Variants in RCBTB2 observed in about 807,000 individuals in gnomAD.
RCBTB2 encodes RCC1 and BTB domain-containing protein 2.
A neutral mutation model predicts 65.4 loss-of-function variants in RCBTB2; 55 were observed. That is an observed-to-expected ratio of 0.84 (90% confidence interval 0.68 to 1.05). The LOEUF (loss-of-function observed/expected upper bound fraction) is 1.05, where lower values mean the gene tolerates loss of function less well. RCBTB2 is among the 50% of genes least tolerant of loss of function. RCBTB2 has a pLI of 0.00. For missense variants in RCBTB2, 599 were observed against 680.1 expected (o/e 0.88, Z 1.33); for synonymous variants, 220 against 255.2 (o/e 0.86, Z 1.31).
Position 48,501,898 on chromosome 13 carries a change from T to A in RCBTB2, c.1118-30A>T. The stretch of plus-strand genomic sequence containing the variant: ...GAGAATAATGCAAATGCTTCCAGAG[T>A]TAGCTACAGACATAATGAACACACA... On this transcript the variant is annotated intron_variant, in intron 11 of 14. Transcript: ENST00000344532. 3 of 1,608,284 alleles carry A rather than the reference T, an allele frequency of 1.9e-6. No individual in the cohort carries two copies. In the South Asian group the frequency reaches 3.3e-5, roughly 18 times the overall value.
intron 2 of RCBTB2, among the ~76,000 whole-genome samples, chr13:48,524,387 A>T (rs1222623772): frequency 1.3e-5 from 2 of 152,238 alleles, no homozygotes; most frequent in East Asian, 3.8e-4. Context: ...GCCAGGCACT[A>T]AGTGCCTCAC....
intron 1 of RCBTB2, among the ~76,000 whole-genome samples, chr13:48,529,793 TTTTAGTC>T (rs1443828870): frequency 6.6e-6 from 1 of 151,612 alleles, no homozygotes; most frequent in Non-Finnish European, 1.5e-5. Context: ...TAGAACTCTC[TTTTAGTC>T]TTTAACAAGA....
chr13:48,501,555 C>T (rs947684214), intron 12 of RCBTB2, among the ~76,000 whole-genome samples, 187 bp downstream of exon 12: 8 of 152,106 alleles, frequency 5.3e-5, no homozygotes, highest in Non-Finnish European at 7.3e-5. Flanking sequence ...TACTGGTTCC[C>T]GGAACCACAC....
chr13:48,532,822 C>T (rs1952240502), intron 1 of RCBTB2: 1 of 339,006 alleles, frequency 2.9e-6, no homozygotes, highest in Non-Finnish European at 5.9e-6. Context: ...CTCTTAACTC[C>T]CGCCAGCAGT....
At chr13:48,524,892 AT>A (rs1166373567) in intron 1 of RCBTB2, 135 bp from the exon 2 acceptor site, 1 of 152,196 alleles carries the variant, frequency 6.6e-6, no homozygotes, top group Non-Finnish European at 1.5e-5. Flanking sequence ...GCTATCTACT[AT>A]TAAAAAGTCA....
chr13:48,535,383 G>A (rs996494509), upstream of RCBTB2, among the ~76,000 whole-genome samples: 4 of 151,698 alleles, frequency 2.6e-5, no homozygotes, highest in East Asian at 1.9e-4. Context: ...AGCCTCCCAA[G>A]TAGTTGGAAC....
chr13:48,503,577 T>G (rs1239896581), intron 10 of RCBTB2, among the ~76,000 whole-genome samples: 1 of 152,082 alleles, frequency 6.6e-6, no homozygotes, highest in Non-Finnish European at 1.5e-5. Flanking sequence ...AGTCTTGCCT[T>G]GTCACCCAGG....
At chr13:48,528,810 G>A (rs1005669576) in intron 1 of RCBTB2, among the ~76,000 whole-genome samples, 2 of 151,998 alleles carry the variant, frequency 1.3e-5, no homozygotes, top group Non-Finnish European at 2.9e-5. Flanking sequence ...TACCTACATG[G>A]CTAATTAAAA....
At position 48,510,628 on chromosome 13, in the gene RCBTB2, C is replaced by T; in HGVS notation, c.926+1G>A. 6.2e-7 allele frequency: 1 copy of T among 1,613,904 alleles called. No homozygotes were observed. Among genetic ancestry groups the T allele is most frequent in the Non-Finnish European group, 8.5e-7 (1 of 1,179,882 alleles). On this transcript the variant is annotated splice_donor_variant, in intron 10 of 14. Coordinates refer to ENST00000344532, the MANE Select transcript of RCBTB2 (RefSeq NM_001268.4). LOFTEE classifies it high-confidence loss of function. ...GGGGACTGTGAAAATGCCCGTGTTA[C>T]CTGTCCTTTTCCACAGTGACAGGAG... is the stretch of plus-strand genomic sequence containing the variant.
intron 1 of RCBTB2, chr13:48,532,699 G>T (rs1952220438): frequency 3.7e-6 from 1 of 267,592 alleles, no homozygotes; most frequent in Non-Finnish European, 7.4e-6. Flanking sequence ...CTGGGCCGGC[G>T]GCCTGGGCAG....
rs1566296402 is a variant in RCBTB2, at chr13:48,511,796, C to T, written c.757G>A (p.Ala253Thr). 6.2e-7 allele frequency: 1 copy of T among 1,614,200 alleles called. No homozygotes were observed. Among genetic ancestry groups the T allele is most frequent in the Admixed American group, 1.7e-5 (1 of 60,028 alleles). The change falls in exon 9 of 15, where the codon GCT becomes ACT. Residue 253 changes from alanine (A) to threonine (T), a missense_variant. Ala to Thr is a moderately conservative substitution (Grantham distance 58). Transcript: ENST00000344532. ...CTCTGGACACGGATGCCTTGCAAAG[C>T]TGCCACTCTGCAAGGGGTTGGCTGG... The part of the protein sequence containing the change: ...GNQPTPCRVA[A>T]LQGIRVQRVA...
At chr13:48,499,066 C>T (rs1472497273) in intron 13 of RCBTB2, among the ~76,000 whole-genome samples, 6 of 151,494 alleles carry the variant, frequency 4.0e-5, no homozygotes, top group Non-Finnish European at 1.5e-5. Flanking sequence ...TCACATCTCT[C>T]CTGTGGCAGA....
intron 13 of RCBTB2, among the ~76,000 whole-genome samples, chr13:48,498,506 G>T (rs1000751557): frequency 6.6e-6 from 1 of 152,128 alleles, no homozygotes; most frequent in Non-Finnish European, 1.5e-5. Context: ...CAAGATGGGC[G>T]GATCACCTGA....
chr13:48,530,673 T>C (rs754745959), intron 1 of RCBTB2, among the ~76,000 whole-genome samples: 13 of 152,216 alleles, frequency 8.5e-5, no homozygotes, highest in Non-Finnish European at 8.8e-5. Flanking sequence ...TTAGAAGCAA[T>C]TGCAAAAACT....
intron 4 of RCBTB2, among the ~76,000 whole-genome samples, chr13:48,520,045 G>A (rs547897778): frequency 6.6e-6 from 1 of 152,086 alleles, no homozygotes; most frequent in South Asian, 2.1e-4. Flanking sequence ...CAACTGGTAA[G>A]TATAATGCAA....
In RCBTB2 at chr13:48,507,359, C is replaced by T. The variant is rs1320259635; in HGVS notation, c.926+3270G>A. ...TGGACTCACACCAAGCAGCAAACAC[C>T]GACGTTCCAATTTTCCAGCCAGACA... is the stretch of plus-strand genomic sequence containing the variant. On this transcript the variant is annotated intron_variant, in intron 10 of 14. Coordinates refer to ENST00000344532, the MANE Select transcript of RCBTB2 (RefSeq NM_001268.4). Among the ~76,000 whole-genome samples the T allele has an allele frequency of 2.6e-5, 4 of 152,190 alleles. No individual in the cohort carries two copies. The East Asian group carries it at 7.7e-4, about 29-fold the overall frequency.
intron 4 of RCBTB2, among the ~76,000 whole-genome samples, chr13:48,518,473 AT>A (rs1486726004): frequency 0.024 from 1,942 of 80,484 alleles, 20 homozygotes; most frequent in African/African-American, 0.082. Context: ...AAAAAAAAAA[AT>A]ATATATATAT....
chr13:48,522,323 T>C lies in RCBTB2; in HGVS notation c.-39A>G. On this transcript the variant is annotated 5_prime_UTR_variant, in exon 3 of 15. Transcript: ENST00000344532. Reference sequence around the variant, plus strand: ...AATTTTAGACCTTTGTCAACTTTTCTCTGGGATTGGAAAGTTCCAAATCAC... The same window carrying C: ...AATTTTAGACCTTTGTCAACTTTTCCCTGGGATTGGAAAGTTCCAAATCAC... 6.5e-7 allele frequency: 1 copy of C among 1,528,562 alleles called. No homozygotes were observed. Among genetic ancestry groups the C allele is most frequent in the Non-Finnish European group, 8.8e-7 (1 of 1,140,620 alleles). 94.7% of individuals were successfully genotyped at this position (1,528,562 alleles called of 1,614,324 possible).
At chr13:48,510,597 CA>C in intron 10 of RCBTB2, 31 bp downstream of exon 10, 1 of 1,606,978 alleles carries the variant, frequency 6.2e-7, no homozygotes, top group Non-Finnish European at 8.5e-7. Flanking sequence ...CACCAAAGAC[CA>C]GTGTGGGGAC....
Sources: allele counts gnomAD v4.1 joint callset (sites outside exome capture counted in the v4.1 genomes callset), GRCh38; gene constraint gnomAD v4.1.1; transcripts MANE v1.5; gene names NCBI Gene and HGNC (gene_info 2026-07-23, HGNC 2026-07-21).